IGFBP5: variants seen among roughly 807,000 people sequenced by gnomAD.
The protein encoded by IGFBP5 is insulin-like growth factor-binding protein 5.
Under a neutral mutation model 28.0 loss-of-function variants are expected in IGFBP5, and 12 were observed. The ratio of observed to expected loss-of-function variants is 0.43; its 90% CI spans 0.27 to 0.69. IGFBP5 has a LOEUF of 0.69. IGFBP5 is among the 30% of genes least tolerant of loss of function. The probability of loss-of-function intolerance (pLI) is 0.20; values close to 1 mark genes in which losing one functional copy is unlikely to be tolerated. For synonymous variants in IGFBP5, 152 were observed against 150.2 expected (o/e 1.01, Z -0.09); for missense variants, 344 against 381.6 (o/e 0.90, Z 0.82).
chr2:216,687,820 C>T (rs1689048793), intron 1 of IGFBP5, among the ~76,000 whole-genome samples: 1 of 152,202 alleles, frequency 6.6e-6, no homozygotes, highest in South Asian at 2.1e-4. Context: ...AGCCACATCC[C>T]CCCAAAGTTC....
intron 2 of IGFBP5, 42 bp from the exon 3 acceptor site, chr2:216,678,273 A>G: frequency 6.8e-7 from 1 of 1,473,264 alleles, no homozygotes; most frequent in Admixed American, 2.2e-5. Context: ...AGACCAAGGG[A>G]AAACCACCCA....
intron 1 of IGFBP5, among the ~76,000 whole-genome samples, chr2:216,684,601 A>T (rs1332865390): frequency 1.3e-5 from 2 of 152,210 alleles, no homozygotes; most frequent in African/African-American, 4.8e-5. Context: ...TCTACAAAGA[A>T]TGAAAAAGGG....
chr2:216,683,311 ATGATTGCTCCACTT>A (rs1321893962), intron 1 of IGFBP5, among the ~76,000 whole-genome samples: 6 of 152,294 alleles, frequency 3.9e-5, no homozygotes, highest in African/African-American at 1.4e-4. Flanking sequence ...GAGGTGAGCC[ATGATTGCTCCACTT>A]TGATAGCTCC....
At position 216,692,542 on chromosome 2, in the gene IGFBP5, TCGGTGTGACTGGATTGTTACCCAGGG is replaced by T. The variant is rs1413189012; in HGVS notation, c.337+1871_337+1896del. ...CGGCTGAGTGACACCTTACGTTCTT[TCGGTGTGACTGGATTGTTACCCAGGG>T]CGGTGGCTCCCAAGCCGGGAAATCA... On this transcript the variant is annotated intron_variant, in intron 1 of 3. Transcript: ENST00000233813. The surrounding 1 kb of genome is among the most constrained non-coding windows in gnomAD (Gnocchi z 4.2). 6.6e-6 allele frequency among the ~76,000 whole-genome samples: 1 copy of T among 152,122 alleles called. No individual in the cohort carries two copies. The highest frequency in any genetic ancestry group is 1.9e-4 in the East Asian group (1 of 5,178).
intron 1 of IGFBP5, among the ~76,000 whole-genome samples, chr2:216,686,046 A>C (rs1251157148): frequency 6.6e-6 from 1 of 151,874 alleles, no homozygotes; most frequent in Non-Finnish European, 1.5e-5. Flanking sequence ...AGCTGTAAGA[A>C]TGGAGGAAAG....
At chr2:216,681,274 G>A (rs1688975141) in intron 1 of IGFBP5, among the ~76,000 whole-genome samples, 1 of 152,190 alleles carries the variant, frequency 6.6e-6, no homozygotes, top group African/African-American at 2.4e-5. Context: ...TCAAAAAGTA[G>A]TTGACTACTG....
At chr2:216,687,054 C>G (rs1021318679) in intron 1 of IGFBP5, among the ~76,000 whole-genome samples, 1 of 152,120 alleles carries the variant, frequency 6.6e-6, no homozygotes, top group Non-Finnish European at 1.5e-5. Context: ...CTCCCTAGTT[C>G]GAATCATCAA....
At chr2:216,678,588 A>G (rs1266125248) in intron 2 of IGFBP5, among the ~76,000 whole-genome samples, 4 of 152,184 alleles carry the variant, frequency 2.6e-5, no homozygotes, top group African/African-American at 7.2e-5. Context: ...TGCAGGGCCC[A>G]GGTACCTGGT....
chr2:216,678,238 G>A lies in IGFBP5; in HGVS notation c.568-7C>T, dbSNP rs200564241. 3 of 1,543,608 alleles carry A rather than the reference G, an allele frequency of 1.9e-6. No individual in the cohort carries two copies. Among genetic ancestry groups the A allele is most frequent in the African/African-American group, 1.4e-5 (1 of 72,808 alleles). On this transcript the variant is annotated splice_region_variant and splice_polypyrimidine_tract_variant and intron_variant, in intron 2 of 3. Transcript: ENST00000233813. ...TGTGTCTGCGGCAGGGGCCCTGTGT[G>A]GACAGGAGGGTGAGAGGCGTGGCGA...
At chr2:216,690,501 G>GCTT (rs11575140) in intron 1 of IGFBP5, among the ~76,000 whole-genome samples, 145,456 of 152,144 alleles carry the variant, frequency 0.96, 69,850 homozygotes, top group East Asian at 1. Context: ...CTTCCCGCTG[G>GCTT]CTTCTTCGCT....
At chr2:216,683,568 G>C (rs1047424934) in intron 1 of IGFBP5, among the ~76,000 whole-genome samples, 1 of 152,198 alleles carries the variant, frequency 6.6e-6, no homozygotes, top group African/African-American at 2.4e-5. Context: ...AACAGGGCTT[G>C]TTTGTGCATG....
intron 1 of IGFBP5, among the ~76,000 whole-genome samples, chr2:216,689,977 A>C (rs1216687806): frequency 1.3e-5 from 2 of 150,346 alleles, no homozygotes; most frequent in Non-Finnish European, 3.0e-5. Context: ...ATTTTTTAAA[A>C]AGAGAGAGAG....
At position 216,676,798 on chromosome 2, in the gene IGFBP5, C is replaced by G; in HGVS notation, c.772G>C (p.Asp258His). The G allele has an allele frequency of 6.2e-7, 1 of 1,613,980 alleles. No homozygotes were observed. The highest frequency in any genetic ancestry group is 8.5e-7 in the Non-Finnish European group (1 of 1,179,924). The change falls in exon 4 of 4, where the codon GAC (aspartate) becomes CAC (histidine). Residue 258 changes from aspartate to histidine, a missense_variant. Transcript: ENST00000233813. ...GMKLPGMEYVDGDFQCHTFDS... is the reference protein window; with the variant it reads ...GMKLPGMEYVHGDFQCHTFDS... ...AAGGTGTGGCACTGAAAGTCCCCGT[C>G]AACGTACTCCATGCCTGGCAGCTTC...
intron 1 of IGFBP5, among the ~76,000 whole-genome samples, chr2:216,684,079 A>G (rs1012281177): frequency 6.6e-6 from 1 of 152,212 alleles, no homozygotes; most frequent in Admixed American, 6.5e-5. Context: ...GAGTGTCATG[A>G]TGCAAGCCCA....
chr2:216,672,694 G>C lies in IGFBP5; in HGVS notation c.*4057C>G, dbSNP rs974970776. On this transcript the variant is annotated 3_prime_UTR_variant, in exon 4 of 4. Coordinates refer to ENST00000233813, the MANE Select transcript of IGFBP5 (RefSeq NM_000599.4). ...CGGGGACTGGTGGAGTGGGGTGAGC[G>C]GGCACAGGGAAGCTGGGGTCCCCTT... 2 of 152,650 alleles carry C rather than the reference G, an allele frequency of 1.3e-5. No homozygotes were observed. The highest frequency in any genetic ancestry group is 2.9e-5 in the Non-Finnish European group (2 of 68,024). The allele number at this position is 152,650 out of a possible 1,614,324, so 9.5% of individuals were successfully genotyped here.
chr2:216,690,651 C>T (rs1689084214), intron 1 of IGFBP5, among the ~76,000 whole-genome samples: 1 of 151,332 alleles, frequency 6.6e-6, no homozygotes. Flanking sequence ...TCAAATCCAG[C>T]CCAAGCCCCG....
In IGFBP5 at chr2:216,676,721, G is replaced by C; in HGVS notation, c.*30C>G. 6.4e-7 allele frequency: 1 copy of C among 1,552,498 alleles called. No homozygotes were observed. The highest frequency in any genetic ancestry group is 8.8e-7 in the Non-Finnish European group (1 of 1,132,918). On this transcript the variant is annotated 3_prime_UTR_variant, in exon 4 of 4. Coordinates refer to ENST00000233813, the MANE Select transcript of IGFBP5 (RefSeq NM_000599.4). ...CTGGAGTCGGGGCTGGGGGTGGGAG[G>C]GGGTGAGGGAAAGGTTGGGGGGGGA...
At chr2:216,680,211 T>C (rs1171958927) in intron 1 of IGFBP5, among the ~76,000 whole-genome samples, 3 of 152,088 alleles carry the variant, frequency 2.0e-5, no homozygotes, top group African/African-American at 7.2e-5. Flanking sequence ...CCTGTCTTCA[T>C]TGCCTCCCTC....
intron 1 of IGFBP5, among the ~76,000 whole-genome samples, chr2:216,685,454 C>T (rs1388849124): frequency 1.3e-5 from 2 of 152,124 alleles, no homozygotes; most frequent in Admixed American, 6.5e-5. Flanking sequence ...AAGTCCTGGT[C>T]AGTGCTGGCC....
Sources: allele counts gnomAD v4.1 joint callset (sites outside exome capture counted in the v4.1 genomes callset), GRCh38; gene constraint gnomAD v4.1.1; non-coding constraint Gnocchi (gnomAD v3.1); transcripts MANE v1.5; gene names NCBI Gene and HGNC (gene_info 2026-07-23, HGNC 2026-07-21).